Variants in ADGRB1 observed in about 807,000 individuals in gnomAD.
The protein encoded by ADGRB1 is brain-specific angiogenesis inhibitor 1.
In ADGRB1, 36 loss-of-function variants were observed where a neutral mutation model predicts 175.7. The ratio of observed to expected loss-of-function variants is 0.20; its 90% CI spans 0.16 to 0.27. ADGRB1 has a LOEUF of 0.27. ADGRB1 is among the 10% of genes least tolerant of loss of function. ADGRB1 has a pLI of 1.00. For synonymous variants in ADGRB1, 1,054 were observed against 979.4 expected, an observed-to-expected ratio of 1.08 and a Z score of -1.42; for missense variants, 1,731 against 2,255.3, an observed-to-expected ratio of 0.77 and a Z score of 4.71.
rs886434778 is a variant in ADGRB1, at chr8:142,510,193, C to T, written c.2676-739C>T. ...GTCCCTGGTGCACCAAGTAACAAGT[C>T]CTGTGCTTAAATGCGTGCTCAGATG... On this transcript the variant is annotated intron_variant, in intron 17 of 30. Coordinates refer to ENST00000517894, the MANE Select transcript of ADGRB1 (RefSeq NM_001702.3). This position sits in a 1 kb window ranked among gnomAD's most constrained non-coding sequence, Gnocchi z 6.3. Among the ~76,000 whole-genome samples, 5 of 152,116 alleles carry T rather than the reference C, an allele frequency of 3.3e-5. No homozygotes were observed. Among genetic ancestry groups the T allele is most frequent in the Admixed American group, 6.5e-5 (1 of 15,284 alleles).
intron 25 of ADGRB1, among the ~76,000 whole-genome samples, chr8:142,534,059 C>T (rs571735763): frequency 2.1e-3 from 324 of 152,298 alleles, no homozygotes; most frequent in Non-Finnish European, 3.7e-3. Context: ...CCTGGAGAGA[C>T]GGCAGAGGGG....
At chr8:142,501,319 TTGA>T (rs907434674) in intron 17 of ADGRB1, among the ~76,000 whole-genome samples, 3 of 147,142 alleles carry the variant, frequency 2.0e-5, no homozygotes, top group Admixed American at 1.3e-4. Flanking sequence ...CACTGTGGTT[TTGA>T]TGATGACGGT....
intron 22 of ADGRB1, among the ~76,000 whole-genome samples, chr8:142,523,795 G>T (rs1844011968): frequency 6.9e-6 from 1 of 144,210 alleles, no homozygotes; most frequent in Non-Finnish European, 1.5e-5. Context: ...TGGGGAGGGG[G>T]CAGGACAGAT....
intron 2 of ADGRB1, among the ~76,000 whole-genome samples, chr8:142,469,655 G>C (rs558897480): frequency 1.3e-5 from 2 of 151,670 alleles, no homozygotes; most frequent in Admixed American, 6.5e-5. Flanking sequence ...GCGTGTGAAC[G>C]CAAGTGCGTG....
At chr8:142,518,982 C>G (rs958762068) in intron 19 of ADGRB1, among the ~76,000 whole-genome samples, 1 of 152,114 alleles carries the variant, frequency 6.6e-6, no homozygotes, top group Non-Finnish European at 1.5e-5. Context: ...GGTCGGGCAT[C>G]GGGAGGTCAA....
At chr8:142,526,084 T>G (rs1037161549) in intron 23 of ADGRB1, among the ~76,000 whole-genome samples, 3 of 152,010 alleles carry the variant, frequency 2.0e-5, no homozygotes, top group Admixed American at 2.0e-4. Context: ...GCCAGGGCCC[T>G]TATGGGGTGG....
Position 142,510,833 on chromosome 8 carries a change from G to A in ADGRB1, c.2676-99G>A. On this transcript the variant is annotated intron_variant, in intron 17 of 30. Coordinates refer to ENST00000517894, the MANE Select transcript of ADGRB1 (RefSeq NM_001702.3). The surrounding 1 kb of genome is among the most constrained non-coding windows in gnomAD (Gnocchi z 6.3). ...GTGCGGGGCGGCGGGCCGGGGCCGG[G>A]GCCGGGGCGCGGAGCCGCCGCTCGG... is the stretch of plus-strand genomic sequence containing the variant. 1.7e-6 allele frequency: 1 copy of A among 598,822 alleles called. No homozygotes were observed. The highest frequency in any genetic ancestry group is 2.1e-6 in the Non-Finnish European group (1 of 479,904). 37.1% of individuals were successfully genotyped at this position (598,822 alleles called of 1,614,324 possible).
At chr8:142,502,138 AGTG>A (rs1842602120) in intron 17 of ADGRB1, among the ~76,000 whole-genome samples, 4 of 34,064 alleles carry the variant, frequency 1.2e-4, no homozygotes. Flanking sequence ...GTGATTATGG[AGTG>A]GTGGTGGTGA....
chr8:142,494,951 G>A (rs1395241144), intron 17 of ADGRB1, among the ~76,000 whole-genome samples: 3 of 152,154 alleles, frequency 2.0e-5, no homozygotes, highest in Non-Finnish European at 4.4e-5. Flanking sequence ...GCCCATCCCT[G>A]TATAGTTCCT....
chr8:142,450,777 C>A (rs1275023798), intron 1 of ADGRB1, among the ~76,000 whole-genome samples: 1 of 152,192 alleles, frequency 6.6e-6, no homozygotes, highest in East Asian at 1.9e-4. Flanking sequence ...TCCCCCACTT[C>A]GGGCGGAGGG....
chr8:142,454,487 C>T (rs1195510795), intron 1 of ADGRB1, among the ~76,000 whole-genome samples: 1 of 152,200 alleles, frequency 6.6e-6, no homozygotes, highest in East Asian at 1.9e-4. Flanking sequence ...CCTGTCTACA[C>T]ACGCAGAGGG....
At chr8:142,516,238 CGT>C (rs1185572540) in intron 18 of ADGRB1, among the ~76,000 whole-genome samples, 4 of 86,344 alleles carry the variant, frequency 4.6e-5, no homozygotes, top group Admixed American at 1.3e-4. Context: ...TGTGTGTGTG[CGT>C]GTGCGGGCCC....
At chr8:142,503,229 G>A (rs1268314073) in intron 17 of ADGRB1, among the ~76,000 whole-genome samples, 1 of 152,064 alleles carries the variant, frequency 6.6e-6, no homozygotes, top group Non-Finnish European at 1.5e-5. Flanking sequence ...CCAGGTGGGT[G>A]AGGAAATGGC....
In ADGRB1 at chr8:142,511,192, C is replaced by A; in HGVS notation, c.2817+119C>A. ...TCCTGTCCCGGAGGGGTCGCTGTGG[C>A]CCGCAGCCGCCGTGGCCTGGCCCGG... On this transcript the variant is annotated intron_variant, in intron 18 of 30. Coordinates refer to ENST00000517894, the MANE Select transcript of ADGRB1 (RefSeq NM_001702.3). The surrounding 1 kb of genome is among the most constrained non-coding windows in gnomAD (Gnocchi z 4.5). 1 of 849,490 alleles carries A rather than the reference C, an allele frequency of 1.2e-6. No individual in the cohort carries two copies. The highest frequency in any genetic ancestry group is 1.4e-6 in the Non-Finnish European group (1 of 700,368). The allele number at this position is 849,490 out of a possible 1,614,324, so 52.6% of individuals were successfully genotyped here. A position where few individuals can be genotyped will look rare whatever the true frequency, so the allele number is the denominator to read the frequency against.
intron 27 of ADGRB1, chr8:142,539,740 G>C: frequency 2.0e-6 from 1 of 489,440 alleles, no homozygotes; most frequent in East Asian, 3.5e-5. Context: ...CTCTTCCTCT[G>C]TCGTGGCCCC....
rs1194131302 is a variant in ADGRB1 at position 142,455,615 on chromosome 8, G to T, written c.-220+5511G>T. 1.3e-5 allele frequency among the ~76,000 whole-genome samples: 2 copies of T among 152,200 alleles called. No individual in the cohort carries two copies. The highest frequency in any genetic ancestry group is 4.8e-5 in the African/African-American group (2 of 41,452). On this transcript the variant is annotated intron_variant, in intron 1 of 30. Transcript: ENST00000517894. The surrounding 1 kb of genome is among the most constrained non-coding windows in gnomAD (Gnocchi z 4.9). ...GAGACTGGGGTGGACCTTGAGATGA[G>T]ACAGAACCTGTGTCCTGGTGCCTGT...
At chr8:142,508,056 T>G (rs918372724) in intron 17 of ADGRB1, among the ~76,000 whole-genome samples, 2 of 151,870 alleles carry the variant, frequency 1.3e-5, no homozygotes, top group African/African-American at 4.8e-5. Flanking sequence ...ATTCCAGTTT[T>G]TATGTGTCTG....
At chr8:142,502,450 A>G (rs1358550740) in intron 17 of ADGRB1, among the ~76,000 whole-genome samples, 1 of 71,864 alleles carries the variant, frequency 1.4e-5, no homozygotes, top group Admixed American at 1.3e-4. Context: ...GGTGGTGATG[A>G]TGGGGTGGTG....
At chr8:142,491,662 T>G (rs1170934572) in intron 17 of ADGRB1, among the ~76,000 whole-genome samples, 1 of 152,172 alleles carries the variant, frequency 6.6e-6, no homozygotes, top group East Asian at 1.9e-4. Context: ...GCCGCCCGCC[T>G]CCTCCGAGCG....
Sources: gnomAD v4.1 joint callset for allele counts (sites outside exome capture counted in the v4.1 genomes callset) on GRCh38, gnomAD v4.1.1 for gene constraint, Gnocchi (gnomAD v3.1) non-coding constraint, MANE v1.5 for transcripts, NCBI Gene and HGNC (gene_info 2026-07-23, HGNC 2026-07-21) for gene names.